Variants in CACNA1E observed in about 807,000 individuals in gnomAD.
The protein encoded by CACNA1E is calcium voltage-gated channel subunit alpha1 E.
Under a neutral mutation model 259.2 loss-of-function variants are expected in CACNA1E, and 40 were observed. The ratio of observed to expected loss-of-function variants is 0.15; its 90% CI spans 0.12 to 0.20. The LOEUF (loss-of-function observed/expected upper bound fraction) is 0.20. Ranked by LOEUF, CACNA1E falls within the 10% of genes least tolerant of loss-of-function variation. CACNA1E has a pLI of 1.00. For missense variants in CACNA1E, 1,874 were observed against 3,040.1 expected, an observed-to-expected ratio of 0.62 and a Z score of 9.02; for synonymous variants, 1,104 against 1,138.5, an observed-to-expected ratio of 0.97 and a Z score of 0.61.
Position 181,776,145 on chromosome 1 carries a change from C to T in CACNA1E, c.5184C>T (p.Tyr1728=), listed in dbSNP as rs1424591405. ...FVAVIMDNFE[Y]LTRDSSILGP... is the part of the protein sequence containing the mutation. ...CCGTCATCATGGACAACTTTGAGTA[C>T]CTGACTCGGGACTCCTCCATCCTGG... The change falls in exon 38 of 48, where the codon TAC becomes TAT. Residue 1728 remains tyrosine, a synonymous_variant. Transcript: ENST00000367573. The surrounding 1 kb of genome is among the most constrained non-coding windows in gnomAD (Gnocchi z 4.4). 5.0e-6 allele frequency: 8 copies of T among 1,613,750 alleles called. No homozygotes were observed. In the Admixed American group the frequency reaches 1.2e-4, roughly 24 times the overall value.
intron 7 of CACNA1E, among the ~76,000 whole-genome samples, chr1:181,709,507 C>G (rs961837199): frequency 1.3e-5 from 2 of 152,194 alleles, no homozygotes; most frequent in African/African-American, 4.8e-5. Context: ...AGACTGGCGT[C>G]TTCCCTTTCC....
chr1:181,554,626 G>T lies in CACNA1E; in HGVS notation c.513-23140G>T, dbSNP rs140803251. Among the ~76,000 whole-genome samples, 107 of 152,292 alleles carry T rather than the reference G, an allele frequency of 7.0e-4. 1 individual carries two copies. Among genetic ancestry groups the T allele is most frequent in the African/African-American group, 2.5e-3 (102 of 41,574 alleles). ...TCACATTTGCTGAGTCCCAGCCTGT[G>T]CCAGGCACTGAGCTAAGCTTGTCCC... is the stretch of plus-strand genomic sequence containing the variant. On this transcript the variant is annotated intron_variant, in intron 3 of 47. Coordinates refer to ENST00000367573, the MANE Select transcript of CACNA1E (RefSeq NM_001205293.3).
At chr1:181,379,187 T>C (rs1655297537) in intron 1 of CACNA1E, among the ~76,000 whole-genome samples, 2 of 151,932 alleles carry the variant, frequency 1.3e-5, no homozygotes, top group South Asian at 4.2e-4. Flanking sequence ...AGGAAAAGTG[T>C]TTAAAAAAAG....
intron 3 of CACNA1E, among the ~76,000 whole-genome samples, chr1:181,559,265 A>G (rs1304038716): frequency 6.6e-6 from 1 of 152,218 alleles, no homozygotes; most frequent in African/African-American, 2.4e-5. Flanking sequence ...TGTGTAAAGA[A>G]TGGATTGCAC....
At chr1:181,760,194 G>A (rs1658460176) in intron 32 of CACNA1E, among the ~76,000 whole-genome samples, 1 of 152,096 alleles carries the variant, frequency 6.6e-6, no homozygotes, top group Admixed American at 6.5e-5. Flanking sequence ...TAATTATGGT[G>A]AGTGCTGAAT....
At chr1:181,615,593 T>G (rs1655135288) in intron 6 of CACNA1E, among the ~76,000 whole-genome samples, 1 of 152,236 alleles carries the variant, frequency 6.6e-6, no homozygotes, top group Admixed American at 6.5e-5. Flanking sequence ...CACATTAATT[T>G]AGCCATATTC....
intron 6 of CACNA1E, among the ~76,000 whole-genome samples, chr1:181,630,260 T>G (rs1022289391): frequency 6.6e-6 from 1 of 152,192 alleles, no homozygotes; most frequent in Non-Finnish European, 1.5e-5. Context: ...TTTCTGCTAC[T>G]GTCTTGCCAT....
intron 2 of CACNA1E, among the ~76,000 whole-genome samples, chr1:181,474,145 A>C (rs1376935903): frequency 6.6e-6 from 1 of 151,822 alleles, no homozygotes; most frequent in East Asian, 1.9e-4. Context: ...ATTTAAACAA[A>C]GGAAAGTAGC....
chr1:181,659,751 G>A (rs539021960), intron 7 of CACNA1E, among the ~76,000 whole-genome samples: 1 of 152,310 alleles, frequency 6.6e-6, no homozygotes, highest in African/African-American at 2.4e-5. Flanking sequence ...TCTTTGCAAT[G>A]ACTCCATGCA....
chr1:181,432,960 A>G (rs529719624), intron 2 of CACNA1E, among the ~76,000 whole-genome samples: 1 of 152,360 alleles, frequency 6.6e-6, no homozygotes, highest in Admixed American at 6.5e-5. Context: ...AAAATTATTG[A>G]GAAAGTATTT....
rs571197461 is a variant in CACNA1E, at chr1:181,351,195, A to G, written c.-15+33072A>G. Among the ~76,000 whole-genome samples the G allele has an allele frequency of 1.3e-3, 191 of 152,276 alleles. 2 individuals are homozygous for G. The highest frequency in any genetic ancestry group is 3.4e-3 in the Middle Eastern group (1 of 294). ...ACCTTGAGGAGGACGGGTAGGTCTG[A>G]GCTCCTTACTCCTGAGCCGTGGGGG... is the stretch of plus-strand genomic sequence containing the variant. On this transcript the variant is annotated intron_variant, in intron 1 of 11. Coordinates refer to the CACNA1E transcript ENST00000524607.
At chr1:181,532,597 G>A (rs543266907) in intron 3 of CACNA1E, among the ~76,000 whole-genome samples, 2 of 152,362 alleles carry the variant, frequency 1.3e-5, no homozygotes, top group East Asian at 1.9e-4. Flanking sequence ...CTCTATGGGT[G>A]TATGACTTCC....
intron 2 of CACNA1E, 62 bp downstream of exon 2, chr1:181,510,644 G>A: frequency 9.7e-7 from 1 of 1,032,468 alleles, no homozygotes; most frequent in Non-Finnish European, 1.5e-6. Flanking sequence ...CTTCTCCTCT[G>A]CTTTATCACT....
At chr1:181,707,944 A>G (rs1011304415) in intron 7 of CACNA1E, among the ~76,000 whole-genome samples, 3 of 152,160 alleles carry the variant, frequency 2.0e-5, no homozygotes, top group Admixed American at 6.5e-5. Flanking sequence ...ATGAGCTCTA[A>G]AGGGATGGGG....
At chr1:181,571,984 G>T (rs1213902006) in intron 3 of CACNA1E, among the ~76,000 whole-genome samples, 1 of 152,104 alleles carries the variant, frequency 6.6e-6, no homozygotes, top group African/African-American at 2.4e-5. Flanking sequence ...TGAATTTTAG[G>T]TTTCAGATAA....
At chr1:181,622,689 A>T (rs1388490482) in intron 6 of CACNA1E, among the ~76,000 whole-genome samples, 1 of 152,212 alleles carries the variant, frequency 6.6e-6, no homozygotes, top group African/African-American at 2.4e-5. Flanking sequence ...AGTGGGAGTT[A>T]TGGCCTTGGG....
At chr1:181,504,282 C>A (rs1348588637) in intron 1 of CACNA1E, among the ~76,000 whole-genome samples, 1 of 152,110 alleles carries the variant, frequency 6.6e-6, no homozygotes, top group East Asian at 1.9e-4. Flanking sequence ...TTCTATACCC[C>A]CCCAGGAGTT....
intron 8 of CACNA1E, 103 bp from the exon 9 acceptor site, chr1:181,715,235 C>A: frequency 4.2e-6 from 3 of 711,816 alleles, no homozygotes; most frequent in Non-Finnish European, 5.0e-6. Context: ...GAACTCTGCT[C>A]TCTCTCTGTT....
At chr1:181,394,852 G>A (rs190070461) in intron 1 of CACNA1E, among the ~76,000 whole-genome samples, 2 of 152,326 alleles carry the variant, frequency 1.3e-5, no homozygotes, top group Admixed American at 6.5e-5. Context: ...GGAGGCCAGT[G>A]TGGCTGGAGC....
Sources: gnomAD v4.1 joint callset for allele counts (sites outside exome capture counted in the v4.1 genomes callset) on GRCh38, gnomAD v4.1.1 for gene constraint, Gnocchi (gnomAD v3.1) non-coding constraint, MANE v1.5 for transcripts, NCBI Gene and HGNC (gene_info 2026-07-23, HGNC 2026-07-21) for gene names.